ZFAT: variants seen among roughly 807,000 people sequenced by gnomAD.
ZFAT encodes zinc finger protein ZFAT.
Under a neutral mutation model 117.7 loss-of-function variants are expected in ZFAT, and 64 were observed. The observed-to-expected ratio is 0.54, with a 90% CI of 0.44 to 0.67. The LOEUF is 0.67. Among genes scored for constraint, ZFAT ranks in the 30% least tolerant of loss-of-function variants. The pLI is 0.00. For missense variants in ZFAT, 1,433 were observed against 1,584.5 expected, an observed-to-expected ratio of 0.90 and a Z score of 1.62; for synonymous variants, 679 against 615.0, an observed-to-expected ratio of 1.10 and a Z score of -1.54.
At chr8:134,710,251 G>A (rs1434988968) in intron 1 of ZFAT, among the ~76,000 whole-genome samples, 2 of 152,200 alleles carry the variant, frequency 1.3e-5, no homozygotes, top group Non-Finnish European at 2.9e-5. Context: ...CTAACAAAAT[G>A]GAGCCAGAGG....
chr8:134,759,241 G>T, the ZFAT span, among the ~76,000 whole-genome samples: 1 of 152,170 alleles, frequency 6.6e-6, no homozygotes, highest in Non-Finnish European at 1.5e-5. Context: ...GACCTGGGAG[G>T]TAAGTCGAAT....
rs776002124 is a variant in ZFAT, at chr8:134,602,371, G to C, written c.1348C>G (p.His450Asp). 6.2e-7 allele frequency: 1 copy of C among 1,613,840 alleles called. No individual in the cohort carries two copies. The highest frequency in any genetic ancestry group is 8.5e-7 in the Non-Finnish European group (1 of 1,180,044). Reference protein sequence around the residue: ...GATKYQALELHVRKHPFVYVC... With the variant: ...GATKYQALELDVRKHPFVYVC... Reference sequence around the variant, plus strand: ...TACACGAAGGGGTGCTTCCTGACATGCAGTTCCAGCGCCTGGTACTTGGTG... The same window carrying C: ...TACACGAAGGGGTGCTTCCTGACATCCAGTTCCAGCGCCTGGTACTTGGTG... Residue 450 changes from histidine to aspartate, a missense_variant, in exon 6 of 16, where the codon CAT (histidine) becomes GAT (aspartate). By Grantham distance (81) the His-to-Asp change is moderately conservative. Transcript: ENST00000377838.
At chr8:134,688,350 A>G (rs546885343) in intron 1 of ZFAT, among the ~76,000 whole-genome samples, 1 of 152,366 alleles carries the variant, frequency 6.6e-6, no homozygotes, top group Admixed American at 6.5e-5. Flanking sequence ...ACGTGTGTAC[A>G]TACACAAATG....
intron 3 of ZFAT, among the ~76,000 whole-genome samples, chr8:134,622,628 G>A (rs988023335): frequency 1.3e-5 from 2 of 152,022 alleles, no homozygotes; most frequent in Non-Finnish European, 2.9e-5. Flanking sequence ...GCCCTTCCAC[G>A]TCGCCCCTCC....
At chr8:134,653,936 T>C (rs989266346) in intron 2 of ZFAT, among the ~76,000 whole-genome samples, 4 of 152,336 alleles carry the variant, frequency 2.6e-5, no homozygotes, top group Admixed American at 1.3e-4. Context: ...CCATTATTTC[T>C]AGAACTTGGA....
At chr8:134,618,967 A>AC (rs983751423) in intron 3 of ZFAT, among the ~76,000 whole-genome samples, 1 of 152,178 alleles carries the variant, frequency 6.6e-6, no homozygotes, top group African/African-American at 2.4e-5. Context: ...ACTAAACCAC[A>AC]CAGCACGTTA....
In ZFAT at chr8:134,600,494, T is replaced by C. The variant is rs777156034; in HGVS notation, c.2417A>G (p.Asp806Gly). Reference sequence around the variant, plus strand: ...CTTATATTTATCTGGAGTTGAGTAGTCACAGCCATCGGTGGGACACTTCAG... The same window carrying C: ...CTTATATTTATCTGGAGTTGAGTAGCCACAGCCATCGGTGGGACACTTCAG... ...ILLKCPTDGC[D>G]YSTPDKYKLQ... is the part of the protein sequence containing the mutation. Residue 806 changes from aspartate to glycine, a missense_variant, in exon 7 of 16, where the codon GAC becomes GGC. Physicochemically the swap from Asp to Gly is moderately conservative, Grantham distance 94. Transcript: ENST00000377838. 6.2e-7 allele frequency: 1 copy of C among 1,614,240 alleles called. No individual in the cohort carries two copies. The highest frequency in any genetic ancestry group is 8.5e-7 in the Non-Finnish European group (1 of 1,180,046).
At position 134,478,700 on chromosome 8, in the gene ZFAT, A is replaced by C. The variant is rs1210423550; in HGVS notation, c.3514T>G (p.Ser1172Ala). The change falls in exon 16 of 16, where the codon TCC becomes GCC. Residue 1172 changes from serine (S) to alanine (A), a missense_variant. By Grantham distance (99) the Ser-to-Ala change is moderately conservative (BLOSUM62 1). Transcript: ENST00000377838. This position sits in a 1 kb window ranked among gnomAD's most constrained non-coding sequence, Gnocchi z 5.2. ...VKQVTEEEPS[S>A]NHTVMIQETV... ...TCCTGGATCATGACCGTGTGGTTGG[A>C]GCTGGGCTCCTCCTCGGTGACCTGC... The C allele has an allele frequency of 1.9e-6, 3 of 1,572,750 alleles. No individual in the cohort carries two copies. The African/African-American group carries it at 4.1e-5, about 21-fold the overall frequency.
intron 10 of ZFAT, among the ~76,000 whole-genome samples, chr8:134,583,203 C>T (rs1314316231): frequency 6.6e-6 from 1 of 152,094 alleles, no homozygotes; most frequent in Non-Finnish European, 1.5e-5. Flanking sequence ...TGCTCTTCTG[C>T]CCTGCCTTCT....
chr8:134,565,666 G>A, intron 10 of ZFAT: 1 of 610,270 alleles, frequency 1.6e-6, no homozygotes, highest in Non-Finnish European at 2.9e-6. Flanking sequence ...GAGGCCCCAT[G>A]AGCAATGACA....
At chr8:134,689,148 C>T (rs1243484460) in intron 1 of ZFAT, among the ~76,000 whole-genome samples, 1 of 152,196 alleles carries the variant, frequency 6.6e-6, no homozygotes. Flanking sequence ...CCCACCAGAG[C>T]GTAACAGTTT....
intron 3 of ZFAT, among the ~76,000 whole-genome samples, chr8:134,611,064 G>A (rs1034646889): frequency 6.6e-6 from 1 of 152,246 alleles, no homozygotes; most frequent in Admixed American, 6.5e-5. Context: ...CTGGTGCCAG[G>A]CATGGTGGAC....
chr8:134,566,393 C>CAAAAAAAAAAAAAAAAAAAAAAAAA (rs57041885), intron 10 of ZFAT, among the ~76,000 whole-genome samples: 2 of 77,290 alleles, frequency 2.6e-5, no homozygotes, highest in Non-Finnish European at 4.8e-5. Context: ...GACTCCAACT[C>CAAAAAAAAAAAAAAAAAAAAAAAAA]AAAAAAAAAA....
chr8:134,607,004 T>A (rs1827938766), intron 5 of ZFAT, among the ~76,000 whole-genome samples: 1 of 152,132 alleles, frequency 6.6e-6, no homozygotes, highest in Non-Finnish European at 1.5e-5. Context: ...CAAAGTAAAA[T>A]CCTTACGCAA....
At chr8:134,615,054 C>G (rs543060248) in intron 3 of ZFAT, among the ~76,000 whole-genome samples, 3 of 152,310 alleles carry the variant, frequency 2.0e-5, no homozygotes, top group African/African-American at 7.2e-5. Flanking sequence ...ACACCACGCA[C>G]CTTCAACCCA....
Position 134,525,702 on chromosome 8 carries a change from C to T in ZFAT, c.3116-4701G>A, listed in dbSNP as rs898265616. Among the ~76,000 whole-genome samples the T allele has an allele frequency of 3.9e-5, 6 of 152,178 alleles. No individual in the cohort carries two copies. The South Asian group carries it at 1.0e-3, about 26-fold the overall frequency. On this transcript the variant is annotated intron_variant, in intron 12 of 15. Transcript: ENST00000377838. ...GGCCAACCTGCCAGCCACATGCAGC[C>T]CCAGCACCTCCGCCCACTGCTTCCT...
At chr8:134,693,331 T>G (rs1486790165) in intron 1 of ZFAT, among the ~76,000 whole-genome samples, 3 of 152,134 alleles carry the variant, frequency 2.0e-5, no homozygotes, top group Non-Finnish European at 4.4e-5. Context: ...AGGCCCACTT[T>G]AACACAACTG....
At chr8:134,627,284 T>G (rs1829585419) in intron 3 of ZFAT, among the ~76,000 whole-genome samples, 1 of 152,136 alleles carries the variant, frequency 6.6e-6, no homozygotes, top group Admixed American at 6.5e-5. Context: ...GTGATGACAG[T>G]GGACCTGGGG....
chr8:134,795,400 C>G, the ZFAT span: 1 of 152,100 alleles, frequency 6.6e-6, no homozygotes, highest in Non-Finnish European at 1.5e-5. Context: ...TGGAGTAATC[C>G]CTTTCCTCCC....
Sources: gnomAD v4.1 joint callset for allele counts (sites outside exome capture counted in the v4.1 genomes callset) on GRCh38, gnomAD v4.1.1 for gene constraint, Gnocchi (gnomAD v3.1) non-coding constraint, MANE v1.5 for transcripts, NCBI Gene and HGNC (gene_info 2026-07-23, HGNC 2026-07-21) for gene names.